Variants in FBXO34 observed in about 807,000 individuals in gnomAD.
The protein encoded by FBXO34 is F-box protein 34, also known as F-box only protein 34.
FBXO34 carries 12 observed loss-of-function variants against 24.5 expected under a neutral mutation model. The observed-to-expected ratio is 0.49, with a 90% CI of 0.31 to 0.79. The LOEUF (loss-of-function observed/expected upper bound fraction) is 0.79, where lower values mean the gene tolerates loss of function less well. Among genes scored for constraint, FBXO34 ranks in the 30% least tolerant of loss-of-function variants. FBXO34 has a pLI of 0.04. For missense variants in FBXO34, 823 were observed against 857.7 expected (o/e 0.96, Z 0.51); for synonymous variants, 320 against 311.9 (o/e 1.03, Z -0.27).
chr14:55,298,811 A>G (rs988556095), intron 1 of FBXO34: 1 of 1,611,794 alleles, frequency 6.2e-7, no homozygotes. Context: ...CCCTCCAGGC[A>G]CTGAAGCGTA....
In FBXO34 at chr14:55,341,361, G is replaced by C. The variant is rs1300135908; in HGVS notation, c.-10-9020G>C. Among the ~76,000 whole-genome samples the C allele has an allele frequency of 2.0e-5, 3 of 152,186 alleles. No individual in the cohort carries two copies. The East Asian group carries it at 5.8e-4, about 29-fold the overall frequency. ...ACTGGATTTTGTGAGAAAGTGCACAGATGGGCCTAGAAGAAAGTTTAGAAT... is the reference window on the plus strand; with the variant it reads ...ACTGGATTTTGTGAGAAAGTGCACACATGGGCCTAGAAGAAAGTTTAGAAT... On this transcript the variant is annotated intron_variant, in intron 1 of 1. Transcript: ENST00000313833.
At chr14:55,433,953 A>C in the FBXO34 span, among the ~76,000 whole-genome samples, 1 of 152,318 alleles carries the variant, frequency 6.6e-6, no homozygotes, top group Non-Finnish European at 1.5e-5. Flanking sequence ...GTTATGTTTC[A>C]GTTCCTATTT....
At chr14:55,293,798 AAC>A (rs1882026967) in intron 1 of FBXO34, among the ~76,000 whole-genome samples, 1 of 151,754 alleles carries the variant, frequency 6.6e-6, no homozygotes, top group African/African-American at 2.4e-5. Context: ...TTGTTCAGTA[AAC>A]ATTTGTTGAA....
chr14:55,361,192 CCTT>C (rs1186402345), intron 3 of FBXO34, among the ~76,000 whole-genome samples: 1 of 152,090 alleles, frequency 6.6e-6, no homozygotes. Flanking sequence ...CAAAATTACT[CCTT>C]GAGCTATTGG....
intron 1 of FBXO34, among the ~76,000 whole-genome samples, chr14:55,336,559 A>G (rs1359593157): frequency 1.3e-5 from 2 of 152,182 alleles, no homozygotes; most frequent in Non-Finnish European, 2.9e-5. Flanking sequence ...TCTCCTTTTT[A>G]AAAACCAATA....
At chr14:55,300,956 T>G (rs917085998) in intron 1 of FBXO34, among the ~76,000 whole-genome samples, 12 of 152,228 alleles carry the variant, frequency 7.9e-5, no homozygotes, top group African/African-American at 2.9e-4. Context: ...ATTTTAGAAT[T>G]TGATTTAAAT....
intron 1 of FBXO34, among the ~76,000 whole-genome samples, chr14:55,292,438 C>T (rs1013121621): frequency 6.6e-6 from 1 of 152,046 alleles, no homozygotes; most frequent in East Asian, 1.9e-4. Flanking sequence ...CAGCTCACTG[C>T]AGCCTCTACC....
the FBXO34 span, chr14:55,424,302 T>C: frequency 5.6e-6 from 7 of 1,253,536 alleles, no homozygotes; most frequent in Non-Finnish European, 7.0e-6. Context: ...ATTCAGCTCC[T>C]TTCCCATAAC....
chr14:55,353,548 A>G lies in FBXO34; in HGVS notation c.*1022A>G, dbSNP rs926571145. 6 of 167,122 alleles carry G rather than the reference A, an allele frequency of 3.6e-5. No individual in the cohort carries two copies. Among genetic ancestry groups the G allele is most frequent in the African/African-American group, 7.2e-5 (3 of 41,470 alleles). 10.4% of individuals were successfully genotyped at this position (167,122 alleles called of 1,614,324 possible). A position where few individuals can be genotyped will look rare whatever the true frequency, so the allele number is the denominator to read the frequency against. On this transcript the variant is annotated 3_prime_UTR_variant, in exon 2 of 2. Transcript: ENST00000313833. ...TAGTTAGATAATAACATTCTTGTCT[A>G]CTTTATCCTGTCTGGTTACAAAATT...
At chr14:55,415,798 G>A in the FBXO34 span, among the ~76,000 whole-genome samples, 5 of 152,234 alleles carry the variant, frequency 3.3e-5, no homozygotes, top group East Asian at 1.9e-4. Context: ...TTTGGGAGGC[G>A]GGGGTTGCAA....
At chr14:55,393,019 G>T in the FBXO34 span, among the ~76,000 whole-genome samples, 4 of 152,138 alleles carry the variant, frequency 2.6e-5, no homozygotes, top group Admixed American at 6.5e-5. Context: ...ATCTTCCACA[G>T]AACATGTTTT....
chr14:55,423,176 C>T, the FBXO34 span, among the ~76,000 whole-genome samples: 31 of 152,208 alleles, frequency 2.0e-4, no homozygotes, highest in Non-Finnish European at 2.5e-4. Flanking sequence ...CTCTGATTAC[C>T]GGTGGGGTTA....
At chr14:55,436,042 G>C in the FBXO34 span, 20 of 620,940 alleles carry the variant, frequency 3.2e-5, no homozygotes, top group Non-Finnish European at 4.5e-5. Flanking sequence ...AATTTCCTAG[G>C]GGGAGAATTA....
At chr14:55,433,868 A>C in the FBXO34 span, 1 of 595,874 alleles carries the variant, frequency 1.7e-6, no homozygotes, top group East Asian at 2.8e-5. Context: ...TAAGGTTAAC[A>C]AAAATAATGA....
chr14:55,363,811 A>C (rs1218641501), downstream of FBXO34, among the ~76,000 whole-genome samples: 1 of 151,996 alleles, frequency 6.6e-6, no homozygotes, highest in African/African-American at 2.4e-5. Flanking sequence ...GGCCCAAGAC[A>C]ATTCTTCCAA....
the FBXO34 span, chr14:55,435,948 T>C: frequency 1.3e-6 from 2 of 1,512,632 alleles, no homozygotes; most frequent in South Asian, 1.2e-5. Context: ...AAGAAATAAG[T>C]CAGTTTAGAA....
chr14:55,325,875 A>G (rs1340945635), intron 1 of FBXO34: 3 of 152,092 alleles, frequency 2.0e-5, no homozygotes, highest in Non-Finnish European at 4.4e-5. Flanking sequence ...TGCTCCTCCC[A>G]CCTCGTTTCT....
intron 1 of FBXO34, among the ~76,000 whole-genome samples, chr14:55,296,465 G>C (rs1411645176): frequency 7.9e-6 from 1 of 125,972 alleles, no homozygotes; most frequent in Non-Finnish European, 1.6e-5. Flanking sequence ...GCTTGATCTT[G>C]GCTCACTGCA....
the FBXO34 span, among the ~76,000 whole-genome samples, chr14:55,415,306 G>A: frequency 6.6e-6 from 1 of 152,164 alleles, no homozygotes; most frequent in Non-Finnish European, 1.5e-5. Context: ...GAAGAGAAAT[G>A]GAAAATAGCT....
Sources: gnomAD v4.1 joint callset for allele counts (sites outside exome capture counted in the v4.1 genomes callset) on GRCh38, gnomAD v4.1.1 for gene constraint, MANE v1.5 for transcripts, NCBI Gene and HGNC (gene_info 2026-07-23, HGNC 2026-07-21) for gene names.